The following LATS1 variants were observed in gnomAD, a reference collection of about 807,000 sequenced individuals.
LATS1 encodes large tumor suppressor kinase 1.
Under a neutral mutation model 106.6 loss-of-function variants are expected in LATS1, and 25 were observed. That is an observed-to-expected ratio of 0.23 (90% confidence interval 0.17 to 0.33). LATS1 has a LOEUF of 0.33. LATS1 is among the 10% of genes least tolerant of loss of function. The probability of loss-of-function intolerance (pLI) is 1.00; values close to 1 mark genes in which losing one functional copy is unlikely to be tolerated. For missense variants in LATS1, 1,040 were observed against 1,382.6 expected, an observed-to-expected ratio of 0.75 and a Z score of 3.93; for synonymous variants, 465 against 455.6, an observed-to-expected ratio of 1.02 and a Z score of -0.26.
chr6:149,665,376 T>A (rs1388950606), intron 7 of LATS1, among the ~76,000 whole-genome samples: 1 of 152,006 alleles, frequency 6.6e-6, no homozygotes, highest in East Asian at 1.9e-4. Context: ...ATATATAAAT[T>A]AATAAAGCAT....
At chr6:149,691,571 G>A (rs1402721303) in intron 3 of LATS1, among the ~76,000 whole-genome samples, 3 of 152,036 alleles carry the variant, frequency 2.0e-5, no homozygotes, top group Admixed American at 6.6e-5. Context: ...CTCTCTTACT[G>A]TGGCTTCCAA....
intron 7 of LATS1, among the ~76,000 whole-genome samples, chr6:149,673,467 C>T (rs797011032): frequency 1.3e-5 from 2 of 151,892 alleles, no homozygotes; most frequent in Non-Finnish European, 2.9e-5. Context: ...TGAGAATGGA[C>T]ATTCCTGCCT....
chr6:149,690,348 G>A (rs1376901204), intron 3 of LATS1, among the ~76,000 whole-genome samples: 1 of 150,170 alleles, frequency 6.7e-6, no homozygotes, highest in Admixed American at 6.6e-5. Context: ...CCAGTAGCTG[G>A]GATTACAGGC....
chr6:149,694,601 C>T (rs546184414), intron 3 of LATS1, among the ~76,000 whole-genome samples: 221 of 152,158 alleles, frequency 1.5e-3, no homozygotes, highest in African/African-American at 5.1e-3. Flanking sequence ...GCTTAAACAA[C>T]AAGAATCAAA....
intron 3 of LATS1, among the ~76,000 whole-genome samples, chr6:149,684,816 C>T: frequency 6.6e-6 from 1 of 151,776 alleles, no homozygotes. Context: ...TTGAAGTATT[C>T]TCACTACAAA....
At chr6:149,673,742 C>T (rs992865719) in intron 7 of LATS1, among the ~76,000 whole-genome samples, 23 of 150,576 alleles carry the variant, frequency 1.5e-4, no homozygotes, top group African/African-American at 5.1e-4. Flanking sequence ...GGCGCGATCT[C>T]GGCTCACTGC....
At chr6:149,662,726 C>T (rs1039562943) in intron 7 of LATS1, among the ~76,000 whole-genome samples, 5 of 151,896 alleles carry the variant, frequency 3.3e-5, no homozygotes, top group African/African-American at 1.2e-4. Context: ...CCCTGGGAGG[C>T]GGAGGTGGGA....
At chr6:149,684,743 T>C in intron 3 of LATS1, 151 bp from the exon 4 acceptor site, 1 of 585,722 alleles carries the variant, frequency 1.7e-6, no homozygotes, top group Non-Finnish European at 2.9e-6. Context: ...TGATCTCTTG[T>C]ACAAAATGGT....
At chr6:149,698,727 T>C (rs1339574656) in intron 2 of LATS1, among the ~76,000 whole-genome samples, 3 of 151,914 alleles carry the variant, frequency 2.0e-5, no homozygotes, top group East Asian at 1.9e-4. Context: ...CTAATGTTTT[T>C]TTTTTCATAT....
At chr6:149,675,288 G>C (rs1206296866) in intron 7 of LATS1, among the ~76,000 whole-genome samples, 2 of 151,648 alleles carry the variant, frequency 1.3e-5, no homozygotes, top group South Asian at 2.1e-4. Context: ...TTATAGAAGA[G>C]AGAGATGGAA....
intron 7 of LATS1, among the ~76,000 whole-genome samples, chr6:149,662,898 T>C (rs1465422490): frequency 6.7e-6 from 1 of 148,788 alleles, no homozygotes; most frequent in Admixed American, 6.8e-5. Flanking sequence ...CCCAGGAGTT[T>C]GAGGCTGCAG....
chr6:149,686,241 C>T (rs1483881418), intron 3 of LATS1, among the ~76,000 whole-genome samples: 1 of 152,114 alleles, frequency 6.6e-6, no homozygotes, highest in African/African-American at 2.4e-5. Context: ...TCTACATTCT[C>T]GAAGCAGGAG....
intron 1 of LATS1, among the ~76,000 whole-genome samples, chr6:149,708,067 A>G (rs1470613429): frequency 1.3e-5 from 2 of 152,212 alleles, no homozygotes; most frequent in Non-Finnish European, 2.9e-5. Flanking sequence ...TGGTTCTGCT[A>G]CAAATTCTTA....
chr6:149,661,276 A>G lies in LATS1; in HGVS notation c.*453T>C, dbSNP rs186232854. On this transcript the variant is annotated 3_prime_UTR_variant, in exon 8 of 8. Coordinates refer to ENST00000543571, the MANE Select transcript of LATS1 (RefSeq NM_004690.4). ...AATTTCTCTAGCTTATTTTCTACCA[A>G]AAACAAGGTTATGAGGGGAAAAAAG... 63 of 233,050 alleles carry G rather than the reference A, an allele frequency of 2.7e-4. No individual in the cohort carries two copies. The highest frequency in any genetic ancestry group is 5.9e-5 in the Non-Finnish European group (7 of 118,104). 14.4% of individuals were successfully genotyped at this position (233,050 alleles called of 1,614,324 possible).
chr6:149,683,057 T>C (rs996639084), intron 4 of LATS1, 22 bp downstream of exon 4: 5 of 1,573,834 alleles, frequency 3.2e-6, no homozygotes, highest in Non-Finnish European at 4.3e-6. Flanking sequence ...AGTATAAAAA[T>C]GGACATTTTA....
intron 7 of LATS1, among the ~76,000 whole-genome samples, chr6:149,669,710 G>C (rs1044496168): frequency 4.6e-5 from 7 of 151,928 alleles, no homozygotes; most frequent in Admixed American, 4.6e-4. Flanking sequence ...AGTGAGCTGA[G>C]ATCACGACCC....
chr6:149,688,049 G>C (rs969537005), intron 3 of LATS1, among the ~76,000 whole-genome samples: 4 of 150,872 alleles, frequency 2.7e-5, no homozygotes, highest in African/African-American at 9.8e-5. Flanking sequence ...TAAGGTTTTT[G>C]TATTTTTAGT....
At chr6:149,669,355 G>A (rs982619241) in intron 7 of LATS1, among the ~76,000 whole-genome samples, 9 of 151,268 alleles carry the variant, frequency 5.9e-5, no homozygotes, top group East Asian at 1.9e-4. Context: ...GGATGGTCTC[G>A]ATCTCCTGAC....
chr6:149,706,134 G>T (rs1445402190), intron 1 of LATS1, among the ~76,000 whole-genome samples: 2 of 134,318 alleles, frequency 1.5e-5, no homozygotes, highest in Non-Finnish European at 3.1e-5. Context: ...GGTGAGCCGA[G>T]ATCGTGCCAT....
Sources: gnomAD v4.1 joint callset for allele counts (sites outside exome capture counted in the v4.1 genomes callset) on GRCh38, gnomAD v4.1.1 for gene constraint, MANE v1.5 for transcripts, NCBI Gene and HGNC (gene_info 2026-07-23, HGNC 2026-07-21) for gene names.